The following EPB41L4A variants were observed in gnomAD, a reference collection of about 807,000 sequenced individuals.
The protein encoded by EPB41L4A is erythrocyte membrane protein band 4.1 like 4A, also known as band 4.1-like protein 4A.
EPB41L4A carries 100 observed loss-of-function variants against 108.6 expected under a neutral mutation model. That is an observed-to-expected ratio of 0.92 (90% CI 0.78 to 1.09). EPB41L4A has a LOEUF of 1.09. Ranked by LOEUF, EPB41L4A falls within the 50% of genes least tolerant of loss-of-function variation. EPB41L4A has a pLI of 0.00. For synonymous variants in EPB41L4A, 319 were observed against 289.0 expected, an observed-to-expected ratio of 1.10 and a Z score of -1.05; for missense variants, 1,030 against 842.7, an observed-to-expected ratio of 1.22 and a Z score of -2.75.
At chr5:112,359,610 A>G (rs558944715) in intron 1 of EPB41L4A, among the ~76,000 whole-genome samples, 2 of 150,520 alleles carry the variant, frequency 1.3e-5, no homozygotes, top group East Asian at 2.0e-4. Context: ...GCGCGATCTC[A>G]GCTCACTGCC....
In EPB41L4A at chr5:112,310,025, G is replaced by T. The variant is rs1015453349; in HGVS notation, c.100-2535C>A. Among the ~76,000 whole-genome samples, 4 of 152,192 alleles carry T rather than the reference G, an allele frequency of 2.6e-5. 1 individual carries two copies. The South Asian group carries it at 8.3e-4, about 32-fold the overall frequency. ...ATCATCCTCAGATAAGTGCTCAGCTGACTAACACCTTGATTTCATCCTTGT... is the reference window on the plus strand; with the variant it reads ...ATCATCCTCAGATAAGTGCTCAGCTTACTAACACCTTGATTTCATCCTTGT... On this transcript the variant is annotated intron_variant, in intron 1 of 22. Coordinates refer to ENST00000261486, the MANE Select transcript of EPB41L4A (RefSeq NM_022140.5).
intron 12 of EPB41L4A, among the ~76,000 whole-genome samples, chr5:112,146,671 A>T (rs1055596034): frequency 1.3e-5 from 2 of 151,772 alleles, no homozygotes; most frequent in African/African-American, 4.8e-5. Flanking sequence ...TACCTGACTT[A>T]AAAAAAAATT....
At chr5:112,298,065 C>T (rs777234361) in intron 2 of EPB41L4A, among the ~76,000 whole-genome samples, 2 of 152,086 alleles carry the variant, frequency 1.3e-5, no homozygotes, top group East Asian at 3.9e-4. Flanking sequence ...TAATATGATG[C>T]CTCCAGCTAT....
chr5:112,204,377 C>T lies in EPB41L4A; in HGVS notation c.1374G>A (p.Arg458=), dbSNP rs995099771. Residue 458 remains arginine (R), a splice_region_variant and synonymous_variant, in exon 15 of 23, where the codon AGG becomes AGA. Coordinates refer to ENST00000261486, the MANE Select transcript of EPB41L4A (RefSeq NM_022140.5). ...CAGAGAGATTGTGTTCCGCTTACCT[C>T]CTCCTCACAGGCTGTACAGAATCAT... ...SDNDSVQPVR[R]RKAHNSGEDS... is the part of the protein sequence containing the mutation. The T allele has an allele frequency of 3.7e-6, 6 of 1,607,470 alleles. No individual in the cohort carries two copies. Among genetic ancestry groups the T allele is most frequent in the Middle Eastern group, 3.3e-4 (2 of 6,076 alleles).
intron 2 of EPB41L4A, among the ~76,000 whole-genome samples, chr5:112,307,020 G>A (rs1754732858): frequency 6.6e-6 from 1 of 151,800 alleles, no homozygotes; most frequent in African/African-American, 2.4e-5. Flanking sequence ...TTTCTTAAAA[G>A]GCAATTAATA....
intron 1 of EPB41L4A, among the ~76,000 whole-genome samples, chr5:112,392,160 C>A (rs1217899351): frequency 6.6e-6 from 1 of 152,102 alleles, no homozygotes. Context: ...GAAGAAACTG[C>A]ATCGACTAAT....
At chr5:112,289,888 A>G (rs1430474467) in intron 2 of EPB41L4A, among the ~76,000 whole-genome samples, 2 of 152,238 alleles carry the variant, frequency 1.3e-5, no homozygotes, top group Non-Finnish European at 2.9e-5. Context: ...TAGTTACACA[A>G]CAAAGAGTAA....
chr5:112,278,976 A>G (rs1447308959), intron 3 of EPB41L4A, among the ~76,000 whole-genome samples: 1 of 150,700 alleles, frequency 6.6e-6, no homozygotes, highest in Non-Finnish European at 1.5e-5. Flanking sequence ...GAGGCAGAAG[A>G]ATTGCTTGAA....
intron 18 of EPB41L4A, among the ~76,000 whole-genome samples, chr5:112,176,655 T>C (rs1373050149): frequency 6.6e-6 from 1 of 151,846 alleles, no homozygotes; most frequent in Non-Finnish European, 1.5e-5. Context: ...GCTAAAAGCG[T>C]CTCACGTGGA....
At chr5:112,417,011 G>T (rs539209493) in intron 1 of EPB41L4A, among the ~76,000 whole-genome samples, 122 of 152,340 alleles carry the variant, frequency 8.0e-4, no homozygotes, top group Admixed American at 4.0e-3. Context: ...GCATGCTTTT[G>T]TGACAAGGAC....
intron 13 of EPB41L4A, among the ~76,000 whole-genome samples, chr5:112,208,907 C>T (rs1449376966): frequency 6.6e-6 from 1 of 152,106 alleles, no homozygotes; most frequent in East Asian, 1.9e-4. Flanking sequence ...AAGGGAAATA[C>T]AGTAAACTAA....
intron 2 of EPB41L4A, among the ~76,000 whole-genome samples, chr5:112,288,111 C>T (rs1477706183): frequency 6.6e-6 from 1 of 152,094 alleles, no homozygotes; most frequent in Non-Finnish European, 1.5e-5. Flanking sequence ...CTGTAAAATC[C>T]TTTATTAGAT....
chr5:112,210,124 T>A (rs1454319021), intron 12 of EPB41L4A, 142 bp from the exon 13 acceptor site: 3 of 544,976 alleles, frequency 5.5e-6, no homozygotes, highest in Non-Finnish European at 9.7e-6. Context: ...AAATAAATAA[T>A]GAATCACCCA....
chr5:112,360,740 G>T (rs1204404081), intron 1 of EPB41L4A, among the ~76,000 whole-genome samples: 1 of 152,046 alleles, frequency 6.6e-6, no homozygotes, highest in Non-Finnish European at 1.5e-5. Flanking sequence ...GCCCAGTCTG[G>T]GAAGTGAGGA....
chr5:112,305,337 T>C (rs963755172), intron 2 of EPB41L4A, among the ~76,000 whole-genome samples: 1 of 152,108 alleles, frequency 6.6e-6, no homozygotes, highest in East Asian at 1.9e-4. Context: ...GTTCCGGGGT[T>C]CTAGGTTCTC....
At chr5:112,209,231 T>G (rs1762613612) in intron 13 of EPB41L4A, among the ~76,000 whole-genome samples, 1 of 152,268 alleles carries the variant, frequency 6.6e-6, no homozygotes, top group Non-Finnish European at 1.5e-5. Context: ...AGTGAGCTCA[T>G]GAAAGCTGCT....
At chr5:112,394,754 T>C (rs1003294696) in intron 1 of EPB41L4A, among the ~76,000 whole-genome samples, 24 of 152,156 alleles carry the variant, frequency 1.6e-4, no homozygotes, top group Non-Finnish European at 4.4e-5. Context: ...AAAGTTCATA[T>C]GGAACCAAAA....
At chr5:112,380,890 T>C (rs1760135088) in intron 1 of EPB41L4A, among the ~76,000 whole-genome samples, 1 of 151,948 alleles carries the variant, frequency 6.6e-6, no homozygotes, top group South Asian at 2.1e-4. Context: ...CACTGATATT[T>C]AGAAACCATC....
chr5:112,148,216 AGTTT>A (rs1226888042), intron 12 of EPB41L4A, among the ~76,000 whole-genome samples: 992 of 146,304 alleles, frequency 6.8e-3, no homozygotes, highest in African/African-American at 0.021. Flanking sequence ...ATAATAATAT[AGTTT>A]AGTAGTATTA....
Sources: allele counts gnomAD v4.1 joint callset (sites outside exome capture counted in the v4.1 genomes callset), GRCh38; gene constraint gnomAD v4.1.1; transcripts MANE v1.5; gene names NCBI Gene and HGNC (gene_info 2026-07-23, HGNC 2026-07-21).